Variants in CREB1 observed in about 807,000 individuals in gnomAD.
CREB1 encodes cAMP responsive element binding protein 1.
In CREB1, 2 loss-of-function variants were observed where a neutral mutation model predicts 42.0. The observed-to-expected ratio is 0.05, with a 90% confidence interval of 0.02 to 0.15. CREB1 has a LOEUF of 0.15. Among genes scored for constraint, CREB1 ranks in the 10% least tolerant of loss-of-function variants. CREB1 has a pLI of 1.00. For missense variants in CREB1, 199 were observed against 388.9 expected, an observed-to-expected ratio of 0.51 and a Z score of 4.11; for synonymous variants, 123 against 139.9, an observed-to-expected ratio of 0.88 and a Z score of 0.85.
At chr2:207,580,311 A>G (rs1213321548) in intron 7 of CREB1, among the ~76,000 whole-genome samples, 2 of 152,208 alleles carry the variant, frequency 1.3e-5, no homozygotes, top group Non-Finnish European at 2.9e-5. Flanking sequence ...ACCAGAGCAC[A>G]TGGCAGTATG....
chr2:207,582,864 C>A, intron 7 of CREB1: 1 of 323,004 alleles, frequency 3.1e-6, no homozygotes, highest in Non-Finnish European at 6.2e-6. Context: ...CTACTCCAGC[C>A]TGAGTGACAG....
chr2:207,540,365 G>A (rs1339911166), intron 1 of CREB1, among the ~76,000 whole-genome samples: 1 of 151,920 alleles, frequency 6.6e-6, no homozygotes, highest in Non-Finnish European at 1.5e-5. Context: ...AAGTGGCCGG[G>A]AATGGTGGCT....
At chr2:207,552,067 A>AAAT (rs2081530593) in intron 1 of CREB1, among the ~76,000 whole-genome samples, 1 of 148,052 alleles carries the variant, frequency 6.8e-6, no homozygotes, top group Non-Finnish European at 1.5e-5. Flanking sequence ...AAAAAAAAAA[A>AAAT]TTAAGAAGGC....
At chr2:207,552,284 A>C (rs1221469942) in intron 1 of CREB1, among the ~76,000 whole-genome samples, 1 of 152,122 alleles carries the variant, frequency 6.6e-6, no homozygotes, top group Non-Finnish European at 1.5e-5. Context: ...ATTGTAATGG[A>C]GTAATATTTT....
Position 207,564,621 on chromosome 2 carries a change from G to A in CREB1, c.262-2842G>A, listed in dbSNP as rs187000824. ...ACCATATATAGGTTTAGGAAACATC[G>A]AATATTACCATTGTTTTGATTGGTT... On this transcript the variant is annotated intron_variant, in intron 3 of 7. Transcript: ENST00000353267. Among the ~76,000 whole-genome samples the A allele has an allele frequency of 1.8e-4, 27 of 152,126 alleles. 1 individual carries two copies. Among genetic ancestry groups the A allele is most frequent in the African/African-American group, 6.0e-4 (25 of 41,508 alleles).
Position 207,604,268 on chromosome 2 carries a change from TGTTTCGCCACTGAA to T in CREB1, c.*7212_*7225del, listed in dbSNP as rs2087657470. On this transcript the variant is annotated 3_prime_UTR_variant, in exon 8 of 8. Transcript: ENST00000353267. Reference sequence around the variant, plus strand: ...AATTCTGATCCATTTCTAGTTTTAGTGTTTCGCCACTGAAGACTTAACATATGTCTTTTACACTC... The same window carrying T: ...AATTCTGATCCATTTCTAGTTTTAGTGACTTAACATATGTCTTTTACACTC... 1.3e-5 allele frequency among the ~76,000 whole-genome samples: 2 copies of T among 152,230 alleles called. No homozygotes were observed. The highest frequency in any genetic ancestry group is 2.9e-5 in the Non-Finnish European group (2 of 68,040).
chr2:207,574,211 C>G (rs2082484768), intron 5 of CREB1, among the ~76,000 whole-genome samples: 1 of 152,162 alleles, frequency 6.6e-6, no homozygotes, highest in Admixed American at 6.5e-5. Flanking sequence ...CAAACTAATT[C>G]CCTTCTAATG....
chr2:207,592,577 T>C (rs556776636), intron 7 of CREB1, among the ~76,000 whole-genome samples: 1 of 152,216 alleles, frequency 6.6e-6, no homozygotes, highest in African/African-American at 2.4e-5. Flanking sequence ...ATCCCCACCA[T>C]ATTTATCTTA....
intron 1 of CREB1, among the ~76,000 whole-genome samples, chr2:207,547,865 AT>A (rs1168559061): frequency 6.6e-6 from 1 of 152,144 alleles, no homozygotes; most frequent in East Asian, 1.9e-4. Context: ...GAAAGGCGCT[AT>A]AGAGTTAGTC....
intron 7 of CREB1, 85 bp downstream of exon 7, chr2:207,577,740 A>C (rs773325211): frequency 2.0e-6 from 3 of 1,518,956 alleles, no homozygotes; most frequent in African/African-American, 1.4e-5. Context: ...ATCTACTGGT[A>C]ATAGGATCTT....
In CREB1 at chr2:207,530,063, G is replaced by C. The variant is rs1180551508; in HGVS notation, c.-80G>C. ...TGTAGTTTGACGCGGTGTGTTACGT[G>C]GGGGAGAGAATAAAACTCCAGCGAG... is the stretch of plus-strand genomic sequence containing the variant. On this transcript the variant is annotated 5_prime_UTR_variant, in exon 1 of 8. Transcript: ENST00000353267. The C allele has an allele frequency of 1.3e-5, 2 of 153,140 alleles. No homozygotes were observed. The highest frequency in any genetic ancestry group is 1.9e-4 in the East Asian group (1 of 5,192). The allele number at this position is 153,140 out of a possible 1,614,324, so 9.5% of individuals were successfully genotyped here. A position where few individuals can be genotyped will look rare whatever the true frequency, so the allele number is the denominator to read the frequency against.
chr2:207,601,200 A>G lies in CREB1; in HGVS notation c.*4142A>G, dbSNP rs981937425. The G allele has an allele frequency of 1.1e-5, 2 of 185,184 alleles. No homozygotes were observed. The highest frequency in any genetic ancestry group is 2.3e-5 in the Non-Finnish European group (2 of 87,514). The allele number at this position is 185,184 out of a possible 1,614,324, so 11.5% of individuals were successfully genotyped here. A position where few individuals can be genotyped will look rare whatever the true frequency, so the allele number is the denominator to read the frequency against. On this transcript the variant is annotated 3_prime_UTR_variant, in exon 8 of 8. Transcript: ENST00000353267. ...CTCATGGACCCAATAGAAAAGTTGT[A>G]TATTTATTTGGATTATATTTACATT... is the stretch of plus-strand genomic sequence containing the variant.
In CREB1 at chr2:207,604,924, T is replaced by C. The variant is rs1234594561; in HGVS notation, c.*7866T>C. 6.6e-6 allele frequency among the ~76,000 whole-genome samples: 1 copy of C among 152,246 alleles called. No homozygotes were observed. The highest frequency in any genetic ancestry group is 1.9e-4 in the East Asian group (1 of 5,202). The stretch of plus-strand genomic sequence containing the variant: ...TACTTCATTCCTTTTTATAGCTAAG[T>C]ATACTTTTTATAGTAAGTATGCCAT... On this transcript the variant is annotated 3_prime_UTR_variant, in exon 8 of 8. Coordinates refer to ENST00000353267, the MANE Select transcript of CREB1 (RefSeq NM_004379.5).
At chr2:207,586,807 A>G (rs1435416315) in intron 7 of CREB1, among the ~76,000 whole-genome samples, 9 of 152,272 alleles carry the variant, frequency 5.9e-5, no homozygotes, top group Non-Finnish European at 1.3e-4. Flanking sequence ...GAAAAGCTCA[A>G]CATTACTAAT....
rs370046152 is a variant in CREB1, at chr2:207,577,554, C to T, written c.738C>T (p.Ser246=). The T allele has an allele frequency of 2.5e-6, 4 of 1,614,086 alleles. No individual in the cohort carries two copies. The highest frequency in any genetic ancestry group is 1.7e-6 in the Non-Finnish European group (2 of 1,179,976). ...QTYQIRTAPT[S]TIAPGVVMAS... ...ACCAGATTCGCACAGCACCCACTAG[C>T]ACTATTGCCCCTGGAGTTGTTATGG... The change falls in exon 7 of 8, where the codon AGC becomes AGT. Residue 246 remains serine, a synonymous_variant. Coordinates refer to ENST00000353267, the MANE Select transcript of CREB1 (RefSeq NM_004379.5).
At chr2:207,539,841 C>CA (rs1182508452) in intron 1 of CREB1, among the ~76,000 whole-genome samples, 2 of 151,816 alleles carry the variant, frequency 1.3e-5, no homozygotes, top group Non-Finnish European at 2.9e-5. Flanking sequence ...GTGGAATGGA[C>CA]AAAAAAATGA....
At chr2:207,592,995 T>C (rs2085379164) in intron 7 of CREB1, among the ~76,000 whole-genome samples, 1 of 152,222 alleles carries the variant, frequency 6.6e-6, no homozygotes, top group Non-Finnish European at 1.5e-5. Context: ...ATTACAGTTA[T>C]AAATATGTTA....
chr2:207,585,030 C>T (rs1316734813), intron 7 of CREB1, among the ~76,000 whole-genome samples: 1 of 151,804 alleles, frequency 6.6e-6, no homozygotes, highest in Non-Finnish European at 1.5e-5. Context: ...AGCCTATGGA[C>T]AGGCCCATTG....
intron 7 of CREB1, among the ~76,000 whole-genome samples, chr2:207,595,632 C>T (rs2085995969): frequency 6.6e-6 from 1 of 151,928 alleles, no homozygotes; most frequent in Non-Finnish European, 1.5e-5. Flanking sequence ...GGCAGGATCA[C>T]GGCTCACTGC....
Sources: gnomAD v4.1 joint callset for allele counts (sites outside exome capture counted in the v4.1 genomes callset) on GRCh38, gnomAD v4.1.1 for gene constraint, MANE v1.5 for transcripts, NCBI Gene and HGNC (gene_info 2026-07-23, HGNC 2026-07-21) for gene names.